DRC8: variants seen among roughly 807,000 people sequenced by gnomAD.
DRC8 encodes the protein dynein regulatory complex protein 8.
At chr1:244,971,419 A>G in the DRC8 span, among the ~76,000 whole-genome samples, 1 of 152,226 alleles carries the variant, frequency 6.6e-6, no homozygotes, top group South Asian at 2.1e-4. Context: ...GGAGAAGCCA[A>G]AAAGTGATTA....
At chr1:245,104,588 A>G in the DRC8 span, among the ~76,000 whole-genome samples, 5 of 152,072 alleles carry the variant, frequency 3.3e-5, no homozygotes, top group East Asian at 9.6e-4. Context: ...CATATGGCCA[A>G]TCTTGCTTCA....
the DRC8 span, among the ~76,000 whole-genome samples, chr1:245,048,975 CTTTTTCTTTTCT>C: frequency 8.5e-6 from 1 of 117,898 alleles, no homozygotes; most frequent in Non-Finnish European, 1.8e-5. Flanking sequence ...TCCTTTCTTT[CTTTTTCTTTTCT>C]TTTTTTTTTT....
At chr1:244,983,062 G>GA in the DRC8 span, among the ~76,000 whole-genome samples, 851 of 150,256 alleles carry the variant, frequency 5.7e-3, 12 homozygotes, top group African/African-American at 0.019. Context: ...ATCTCCTAGG[G>GA]AAAAAAAAAG....
At chr1:245,002,676 G>A in the DRC8 span, among the ~76,000 whole-genome samples, 7 of 151,282 alleles carry the variant, frequency 4.6e-5, no homozygotes, top group African/African-American at 1.5e-4. Flanking sequence ...ACACCAGCAC[G>A]CCCAGCTAAT....
the DRC8 span, among the ~76,000 whole-genome samples, chr1:245,119,328 T>C: frequency 7.6e-6 from 1 of 131,726 alleles, no homozygotes; most frequent in Non-Finnish European, 1.6e-5. Context: ...AAGAGCAATA[T>C]ACAAGAAATT....
At chr1:245,013,408 CAG>C in the DRC8 span, among the ~76,000 whole-genome samples, 1 of 152,092 alleles carries the variant, frequency 6.6e-6, no homozygotes, top group South Asian at 2.1e-4. Flanking sequence ...GTGTCGTAAC[CAG>C]AGAGATTTTC....
chr1:245,015,779 C>A, the DRC8 span: 1 of 252,882 alleles, frequency 4.0e-6, no homozygotes, highest in South Asian at 4.1e-5. Context: ...TCACTGCTAC[C>A]ATTCTGGCCC....
the DRC8 span, among the ~76,000 whole-genome samples, chr1:245,027,870 GT>G: frequency 0.28 from 38,940 of 137,740 alleles, 5,171 homozygotes; most frequent in Middle Eastern, 0.36. Flanking sequence ...TCTCTTGTCA[GT>G]TTTTTTTTTT....
the DRC8 span, among the ~76,000 whole-genome samples, chr1:245,106,952 G>C: frequency 6.6e-6 from 1 of 152,238 alleles, no homozygotes; most frequent in Admixed American, 6.5e-5. Flanking sequence ...GCTGAGGCAG[G>C]AGAATCGCTG....
At chr1:245,087,755 T>G in the DRC8 span, 1 of 986,144 alleles carries the variant, frequency 1.0e-6, no homozygotes, top group South Asian at 4.7e-5. Flanking sequence ...AGCAGTGTAA[T>G]GAAGGCTTCT....
the DRC8 span, chr1:244,970,093 G>T: frequency 4.5e-6 from 3 of 660,730 alleles, no homozygotes; most frequent in Non-Finnish European, 8.2e-6. Flanking sequence ...TAAGGGAAAG[G>T]AGGGGTTGGG....
the DRC8 span, among the ~76,000 whole-genome samples, chr1:245,047,974 CAAAA>C: frequency 5.8e-5 from 6 of 102,792 alleles, no homozygotes; most frequent in Admixed American, 1.0e-4. Flanking sequence ...GACTCTGTCT[CAAAA>C]AAAAAAAAAA....
the DRC8 span, among the ~76,000 whole-genome samples, chr1:245,080,867 G>A: frequency 0.45 from 67,966 of 151,950 alleles, 16,689 homozygotes; most frequent in East Asian, 0.68. Flanking sequence ...CCCTGCCGTC[G>A]GGCCCCTGTC....
the DRC8 span, among the ~76,000 whole-genome samples, chr1:245,075,893 T>C: frequency 6.6e-6 from 1 of 152,200 alleles, no homozygotes; most frequent in African/African-American, 2.4e-5. Flanking sequence ...TGGATATTTG[T>C]TACTCTCGCC....
At chr1:245,071,084 G>A in the DRC8 span, among the ~76,000 whole-genome samples, 1 of 152,330 alleles carries the variant, frequency 6.6e-6, no homozygotes, top group Middle Eastern at 3.4e-3. Flanking sequence ...TGTTAGGTAT[G>A]CTGTTTATAC....
the DRC8 span, among the ~76,000 whole-genome samples, chr1:244,993,744 G>A: frequency 6.6e-6 from 1 of 152,160 alleles, no homozygotes; most frequent in Non-Finnish European, 1.5e-5. Context: ...ATGGTAGAAG[G>A]CATCATATGG....
chr1:245,111,847 G>A, the DRC8 span, among the ~76,000 whole-genome samples: 1 of 152,272 alleles, frequency 6.6e-6, no homozygotes, highest in African/African-American at 2.4e-5. Flanking sequence ...ACCAGCCTGG[G>A]AAATGTAGTG....
chr1:245,024,675 G>A, the DRC8 span, among the ~76,000 whole-genome samples: 288 of 151,678 alleles, frequency 1.9e-3, 2 homozygotes, highest in African/African-American at 6.6e-3. Context: ...AGCCTCCTGA[G>A]AAGCTGGGAT....
the DRC8 span, among the ~76,000 whole-genome samples, chr1:245,120,942 G>A: frequency 6.6e-6 from 1 of 152,222 alleles, no homozygotes; most frequent in Non-Finnish European, 1.5e-5. Context: ...ACCGGACAGT[G>A]GAGGTGTTGA....
Sources: gnomAD v4.1 joint callset for allele counts (sites outside exome capture counted in the v4.1 genomes callset) on GRCh38, gnomAD v4.1.1 for gene constraint, MANE v1.5 for transcripts, NCBI Gene and HGNC (gene_info 2026-07-23, HGNC 2026-07-21) for gene names.